Variants in EBF1 observed in about 807,000 individuals in gnomAD.
EBF1 encodes the protein EBF transcription factor 1.
In EBF1, 10 loss-of-function variants were observed where a neutral mutation model predicts 68.4. The ratio of observed to expected loss-of-function variants is 0.15; its 90% CI spans 0.09 to 0.25. EBF1 has a LOEUF of 0.25. Ranked by LOEUF, EBF1 falls within the 10% of genes least tolerant of loss-of-function variation. The pLI, the probability that EBF1 is intolerant of heterozygous loss-of-function variation, is 1.00. For synonymous variants in EBF1, 298 were observed against 299.8 expected (o/e 0.99, Z 0.06); for missense variants, 509 against 794.4 (o/e 0.64, Z 4.32).
Position 158,744,300 on chromosome 5 carries a change from G to T in EBF1, c.1037-13143C>A, listed in dbSNP as rs116853966. 3.9e-3 allele frequency among the ~76,000 whole-genome samples: 589 copies of T among 151,536 alleles called. 13 individuals carry two copies. Among genetic ancestry groups the T allele is most frequent in the Admixed American group, 0.028 (426 of 15,208 alleles). ...AACACAAGCAGGTAAGGAATGGTTA[G>T]AGAGAGATTGAGAGACAAAACAGGA... is the stretch of plus-strand genomic sequence containing the variant. On this transcript the variant is annotated intron_variant, in intron 10 of 15. Coordinates refer to ENST00000313708, the MANE Select transcript of EBF1 (RefSeq NM_024007.5).
Position 159,084,737 on chromosome 5 carries a change from G to T in EBF1, c.414C>A (p.Ala138=), listed in dbSNP as rs781189669. 1.4e-5 allele frequency: 23 copies of T among 1,590,938 alleles called. No homozygotes were observed. The Admixed American group carries it at 4.0e-4, about 27-fold the overall frequency. Reference sequence around the variant, plus strand: ...TCTTGTCTTGGCCTTCATACACTATGGCCTAAAAGCAAAAGCACAGTTTTA... The same window carrying T: ...TCTTGTCTTGGCCTTCATACACTATTGCCTAAAAGCAAAAGCACAGTTTTA... ...VRLIDSMTKQ[A]IVYEGQDKNP... is the part of the protein sequence containing the mutation. The change falls in exon 5 of 16, where the codon GCC becomes GCA. Residue 138 remains alanine, a splice_region_variant and synonymous_variant. Transcript: ENST00000313708.
chr5:158,699,180 G>T (rs762718179), intron 15 of EBF1, 38 bp from the exon 16 acceptor site: 56 of 1,564,930 alleles, frequency 3.6e-5, no homozygotes, highest in Non-Finnish European at 2.3e-5. Context: ...GTTTCTTTGC[G>T]TTCAAACTTC....
rs141192093 is a variant in EBF1, at chr5:159,053,795, A to G, written c.554+19601T>C. Among the ~76,000 whole-genome samples the G allele has an allele frequency of 2.4e-3, 367 of 152,384 alleles. 1 individual carries two copies. In the Middle Eastern group the frequency reaches 0.027, roughly 11 times the overall value. ...TGACAACTCTTTTCAATGATACCCA[A>G]TTAGGCATTGCATGGCAAAAATAAA... On this transcript the variant is annotated intron_variant, in intron 6 of 15. Transcript: ENST00000313708.
At chr5:158,795,376 C>T (rs904721032) in intron 9 of EBF1, among the ~76,000 whole-genome samples, 8 of 152,100 alleles carry the variant, frequency 5.3e-5, no homozygotes, top group Admixed American at 1.3e-4. Context: ...AAATATGCTA[C>T]GAGTATCTAC....
intron 6 of EBF1, among the ~76,000 whole-genome samples, chr5:158,847,607 C>T (rs1207829464): frequency 1.3e-5 from 2 of 152,320 alleles, no homozygotes; most frequent in Non-Finnish European, 2.9e-5. Context: ...TGTTCTTTTA[C>T]ACAGATTACT....
chr5:158,836,668 A>C (rs1422142136), intron 7 of EBF1, among the ~76,000 whole-genome samples: 1 of 152,204 alleles, frequency 6.6e-6, no homozygotes, highest in Non-Finnish European at 1.5e-5. Context: ...GGTTGTATGA[A>C]AATAATAAAG....
intron 6 of EBF1, among the ~76,000 whole-genome samples, chr5:159,000,023 A>G (rs983113416): frequency 6.6e-5 from 10 of 152,098 alleles, no homozygotes; most frequent in African/African-American, 2.4e-4. Context: ...GGTGAAAACT[A>G]TTTTCCTTAT....
chr5:158,978,203 G>A (rs1039070710), intron 6 of EBF1, among the ~76,000 whole-genome samples: 1 of 152,252 alleles, frequency 6.6e-6, no homozygotes, highest in Admixed American at 6.5e-5. Context: ...GCGAGGGCTG[G>A]CTCACTGCGC....
chr5:159,005,550 T>A (rs1196285875), intron 6 of EBF1, among the ~76,000 whole-genome samples: 1 of 152,206 alleles, frequency 6.6e-6, no homozygotes, highest in Non-Finnish European at 1.5e-5. Context: ...TGAGTTTGGA[T>A]AGCGTTTTAT....
intron 6 of EBF1, among the ~76,000 whole-genome samples, chr5:158,988,223 G>A (rs1366957714): frequency 6.6e-6 from 1 of 152,114 alleles, no homozygotes; most frequent in Non-Finnish European, 1.5e-5. Context: ...TATTTTTCCT[G>A]CCCAGTGCCC....
At chr5:158,752,953 T>A (rs1769250422) in intron 10 of EBF1, among the ~76,000 whole-genome samples, 1 of 152,068 alleles carries the variant, frequency 6.6e-6, no homozygotes, top group Non-Finnish European at 1.5e-5. Context: ...TGCACACAAT[T>A]TGGTTTTAAC....
chr5:159,019,514 G>C (rs568279377), intron 6 of EBF1, among the ~76,000 whole-genome samples: 1 of 152,182 alleles, frequency 6.6e-6, no homozygotes, highest in African/African-American at 2.4e-5. Flanking sequence ...GCACGAGTGA[G>C]GGCTGAGGTG....
chr5:158,939,654 T>C (rs1812806685), intron 6 of EBF1, among the ~76,000 whole-genome samples: 1 of 151,178 alleles, frequency 6.6e-6, no homozygotes, highest in Non-Finnish European at 1.5e-5. Context: ...TGTGGACATC[T>C]GCACTACAAT....
chr5:158,790,855 T>A (rs889097406), intron 9 of EBF1, among the ~76,000 whole-genome samples: 1 of 152,192 alleles, frequency 6.6e-6, no homozygotes, highest in Non-Finnish European at 1.5e-5. Context: ...TTGTGGCCAA[T>A]TAAATTGTTT....
intron 6 of EBF1, among the ~76,000 whole-genome samples, chr5:158,870,925 A>G (rs1018235054): frequency 4.6e-5 from 7 of 152,224 alleles, no homozygotes; most frequent in African/African-American, 1.7e-4. Context: ...GTTTCCAAAT[A>G]TTTGAACTAT....
chr5:158,755,934 A>G (rs777664634), intron 10 of EBF1, among the ~76,000 whole-genome samples: 6 of 152,172 alleles, frequency 3.9e-5, no homozygotes, highest in Non-Finnish European at 7.4e-5. Flanking sequence ...AAGTTTTCCT[A>G]TTGAAAAAAA....
chr5:158,733,586 T>C (rs890414426), intron 10 of EBF1, among the ~76,000 whole-genome samples: 1 of 152,138 alleles, frequency 6.6e-6, no homozygotes, highest in Non-Finnish European at 1.5e-5. Flanking sequence ...CACAGAGTAA[T>C]TGAATTAGAC....
At chr5:159,080,726 C>T (rs1377163645) in intron 5 of EBF1, among the ~76,000 whole-genome samples, 1 of 152,176 alleles carries the variant, frequency 6.6e-6, no homozygotes, top group African/African-American at 2.4e-5. Flanking sequence ...GTGATTATTG[C>T]ATTTAATCTT....
At chr5:158,870,977 T>C (rs1321686812) in intron 6 of EBF1, among the ~76,000 whole-genome samples, 1 of 152,194 alleles carries the variant, frequency 6.6e-6, no homozygotes, top group Non-Finnish European at 1.5e-5. Context: ...TTAAAAAGTC[T>C]ATAGGACAGA....
Sources: gnomAD v4.1 joint callset for allele counts (sites outside exome capture counted in the v4.1 genomes callset) on GRCh38, gnomAD v4.1.1 for gene constraint, MANE v1.5 for transcripts, NCBI Gene and HGNC (gene_info 2026-07-23, HGNC 2026-07-21) for gene names.